Variants in BRD3 observed in about 807,000 individuals in gnomAD.
The protein encoded by BRD3 is bromodomain-containing protein 3.
Under a neutral mutation model 66.8 loss-of-function variants are expected in BRD3, and 17 were observed. The ratio of observed to expected loss-of-function variants is 0.25; its 90% CI spans 0.17 to 0.38. BRD3 has a LOEUF of 0.38. Among genes scored for constraint, BRD3 ranks in the 10% least tolerant of loss-of-function variants. BRD3 has a pLI of 1.00. For synonymous variants in BRD3, 421 were observed against 393.2 expected, an observed-to-expected ratio of 1.07 and a Z score of -0.84; for missense variants, 713 against 956.1, an observed-to-expected ratio of 0.75 and a Z score of 3.35.
Position 134,048,321 on chromosome 9 carries a change from C to G in BRD3, c.848G>C (p.Gly283Ala), listed in dbSNP as rs1830219488. ...AKVVARRESG[G>A]RPIKPPKKDL... ...CTTCTTGGGAGGCTTGATGGGGCGG[C>G]CACCACTCTCCCGCCGGGCCACCAC... The change falls in exon 6 of 12, where the codon GGC becomes GCC. Residue 283 changes from glycine to alanine, a missense_variant. Coordinates refer to ENST00000303407, the MANE Select transcript of BRD3 (RefSeq NM_007371.4). 1.3e-6 allele frequency: 2 copies of G among 1,599,642 alleles called. No homozygotes were observed. The highest frequency in any genetic ancestry group is 1.3e-5 in the African/African-American group (1 of 74,930).
chr9:134,068,202 A>C (rs1830714242), upstream of BRD3: 1 of 140,530 alleles, frequency 7.1e-6, no homozygotes, highest in Non-Finnish European at 1.6e-5. Context: ...CGCCCCGCCG[A>C]CCCGGCCGAG....
At chr9:134,066,437 C>G (rs1026112758) in intron 1 of BRD3, among the ~76,000 whole-genome samples, 5 of 152,286 alleles carry the variant, frequency 3.3e-5, no homozygotes, top group African/African-American at 1.2e-4. Context: ...AGGCCAGCCC[C>G]TTGCAGGGGT....
At position 134,045,675 on chromosome 9, in the gene BRD3, G is replaced by A. The variant is rs373086391; in HGVS notation, c.1087-254C>T. 2.5e-4 allele frequency among the ~76,000 whole-genome samples: 38 copies of A among 152,162 alleles called. No individual in the cohort carries two copies. Among genetic ancestry groups the A allele is most frequent in the African/African-American group, 7.5e-4 (31 of 41,446 alleles). ...CCAGAGACAGATCTCCTGATTGGAA[G>A]AAAAATGCACTCAACAAGAAATCCC... On this transcript the variant is annotated intron_variant, in intron 6 of 11. Transcript: ENST00000303407. The surrounding 1 kb of genome is among the most constrained non-coding windows in gnomAD (Gnocchi z 4.8).
Position 134,030,733 on chromosome 9 carries a change from C to G in BRD3, c.*2857G>C, listed in dbSNP as rs1486590176. The stretch of plus-strand genomic sequence containing the variant: ...AAGAACAACAACAAAAACAAACACA[C>G]AAAAAAATGTGTCTTACAGTTTGTA... On this transcript the variant is annotated 3_prime_UTR_variant, in exon 12 of 12. Transcript: ENST00000303407. 4.3e-6 allele frequency: 1 copy of G among 231,646 alleles called. No homozygotes were observed. Among genetic ancestry groups the G allele is most frequent in the Non-Finnish European group, 8.5e-6 (1 of 117,132 alleles). The allele number at this position is 231,646 out of a possible 1,614,324, so 14.3% of individuals were successfully genotyped here.
intron 1 of BRD3, among the ~76,000 whole-genome samples, chr9:134,064,528 G>C (rs1284185343): frequency 6.6e-6 from 1 of 151,904 alleles, no homozygotes; most frequent in Non-Finnish European, 1.5e-5. Context: ...GCAACAGAGT[G>C]ATACTCTGTC....
At chr9:134,058,960 C>G (rs1421182694) in intron 1 of BRD3, among the ~76,000 whole-genome samples, 1 of 152,188 alleles carries the variant, frequency 6.6e-6, no homozygotes, top group African/African-American at 2.4e-5. Flanking sequence ...GTGCCTTGGG[C>G]CGGTGTGCTG....
At chr9:134,051,844 T>G in intron 3 of BRD3, 135 bp from the exon 4 acceptor site, 1 of 738,854 alleles carries the variant, frequency 1.4e-6, no homozygotes, top group Non-Finnish European at 2.0e-6. Flanking sequence ...ACAAAATGAA[T>G]ATATGTGTGT....
In BRD3 at chr9:134,030,963, G is replaced by A. The variant is rs183609311; in HGVS notation, c.*2627C>T. The A allele has an allele frequency of 1.0e-4, 23 of 230,556 alleles. No homozygotes were observed. The highest frequency in any genetic ancestry group is 3.5e-4 in the African/African-American group (16 of 45,300). The allele number at this position is 230,556 out of a possible 1,614,324, so 14.3% of individuals were successfully genotyped here. ...AGTGGGACAATCTAATTGAATCACCGCAGCCTTCTAATACAGAAGAAACGG... is the reference window on the plus strand; with the variant it reads ...AGTGGGACAATCTAATTGAATCACCACAGCCTTCTAATACAGAAGAAACGG... On this transcript the variant is annotated 3_prime_UTR_variant, in exon 12 of 12. Coordinates refer to ENST00000303407, the MANE Select transcript of BRD3 (RefSeq NM_007371.4).
chr9:134,067,189 C>T (rs1396967120), intron 1 of BRD3, among the ~76,000 whole-genome samples: 1 of 152,242 alleles, frequency 6.6e-6, no homozygotes, highest in Non-Finnish European at 1.5e-5. Context: ...TCCAACTCGC[C>T]CTCGCCCGGA....
At chr9:134,060,764 T>C (rs989123776) in intron 1 of BRD3, among the ~76,000 whole-genome samples, 7 of 152,170 alleles carry the variant, frequency 4.6e-5, no homozygotes, top group Non-Finnish European at 8.8e-5. Context: ...GGAAGGAATG[T>C]TGGTGAGGTG....
chr9:134,041,942 C>T lies in BRD3; in HGVS notation c.1225G>A (p.Glu409Lys). ...AMARKLQDVF[E>K]MRFAKMPDEP... ...TCTGGCATCTTGGCAAACCTCATCT[C>T]AAACACGTCCTGCGGCAGAACAGAG... is the stretch of plus-strand genomic sequence containing the variant. Residue 409 changes from glutamate to lysine, a missense_variant, in exon 8 of 12, where the codon GAG (glutamate) becomes AAG (lysine). Around this residue, in one of 5 missense-constraint regions of BRD3, gnomAD observed 418 missense variants for 609.3 expected, o/e 0.69. Transcript: ENST00000303407. 6.3e-7 allele frequency: 1 copy of T among 1,584,798 alleles called. No homozygotes were observed. Among genetic ancestry groups the T allele is most frequent in the Non-Finnish European group, 8.6e-7 (1 of 1,163,018 alleles).
intron 7 of BRD3, among the ~76,000 whole-genome samples, chr9:134,042,643 A>T (rs1215000180): frequency 8.8e-6 from 1 of 113,494 alleles, no homozygotes; most frequent in Non-Finnish European, 1.8e-5. Context: ...CCTCAAATAT[A>T]TATACACACA....
At chr9:134,068,328 C>T (rs1160518097), upstream of BRD3, 1 of 149,604 alleles carries the variant, frequency 6.7e-6, no homozygotes, top group African/African-American at 2.4e-5. Context: ...TCTCCTCACC[C>T]CGTGTCGGGG....
chr9:134,039,376 C>T, intron 9 of BRD3, among the ~76,000 whole-genome samples: 1 of 152,206 alleles, frequency 6.6e-6, no homozygotes, highest in Non-Finnish European at 1.5e-5. Context: ...CAACTTTGCC[C>T]TCATTCCCAA....
intron 1 of BRD3, among the ~76,000 whole-genome samples, chr9:134,062,686 G>A (rs551423365): frequency 3.0e-4 from 45 of 152,292 alleles, no homozygotes; most frequent in African/African-American, 1.0e-3. Flanking sequence ...CTCATGAGGC[G>A]CGTGAGGAGG....
Position 134,034,761 on chromosome 9 carries a change from C to T in BRD3, c.2005G>A (p.Glu669Lys). ...CCGCTGACATCCTGCAGACGCTTTT[C>T]CAGCTCCTTCTTCTTTTCCTGAGCT... ...ELAQEKKKEL[E>K]KRLQDVSGQL... Residue 669 changes from glutamate to lysine, a missense_variant, in exon 11 of 12, where the codon GAA becomes AAA. By Grantham distance (56) the Glu-to-Lys change is moderately conservative (BLOSUM62 1). This residue lies in a region of BRD3 where 418 missense variants were observed against 609.3 expected (regional missense o/e 0.69). Transcript: ENST00000303407. 1.2e-6 allele frequency: 2 copies of T among 1,611,220 alleles called. No homozygotes were observed. The highest frequency in any genetic ancestry group is 1.7e-6 in the Non-Finnish European group (2 of 1,180,004).
At chr9:134,050,687 T>G in intron 4 of BRD3, 99 bp from the exon 5 acceptor site, 11 of 997,460 alleles carry the variant, frequency 1.1e-5, no homozygotes, top group Non-Finnish European at 1.6e-5. Flanking sequence ...GTACCAGCTC[T>G]GTGCTGCCAA....
rs1830707917 is a variant in BRD3, at chr9:134,067,957, CTCCGGCGGCCG to C, written c.-137_-127del. On this transcript the variant is annotated 5_prime_UTR_variant, in exon 1 of 12. An upstream open reading frame in the 5' UTR gains an earlier in-frame stop. Coordinates refer to ENST00000303407, the MANE Select transcript of BRD3 (RefSeq NM_007371.4). ...GAGAAAGGCGTACTTGGCCTCGCGG[CTCCGGCGGCCG>C]TCCCCTCCCGGCCCGCGCGGCCGGC... 6.9e-6 allele frequency: 1 copy of C among 145,926 alleles called. No individual in the cohort carries two copies. Among genetic ancestry groups the C allele is most frequent in the Non-Finnish European group, 1.5e-5 (1 of 65,424 alleles). The allele number at this position is 145,926 out of a possible 1,614,324, so 9.0% of individuals were successfully genotyped here.
At position 134,061,740 on chromosome 9, in the gene BRD3, C is replaced by T. The variant is rs577491859; in HGVS notation, c.-114+6205G>A. Among the ~76,000 whole-genome samples the T allele has an allele frequency of 3.9e-5, 6 of 152,304 alleles. No homozygotes were observed. The South Asian group carries it at 8.3e-4, about 21-fold the overall frequency. On this transcript the variant is annotated intron_variant, in intron 1 of 11. Transcript: ENST00000303407. Reference sequence around the variant, plus strand: ...GCTCAGAGGTGAAGGGGCACAACGTCGCCCAGGCAGAGAAGGCCAGAGCCA... The same window carrying T: ...GCTCAGAGGTGAAGGGGCACAACGTTGCCCAGGCAGAGAAGGCCAGAGCCA...
Sources: gnomAD v4.1 joint callset for allele counts (sites outside exome capture counted in the v4.1 genomes callset) on GRCh38, gnomAD v4.1.1 for gene constraint, gnomAD v4.1.1 regional missense constraint, Gnocchi (gnomAD v3.1) non-coding constraint, MANE v1.5 for transcripts, NCBI Gene and HGNC (gene_info 2026-07-23, HGNC 2026-07-21) for gene names.